Variants in THSD7A observed in about 807,000 individuals in gnomAD.
THSD7A encodes the protein thrombospondin type 1 domain containing 7A, also known as thrombospondin type-1 domain-containing protein 7A.
A neutral mutation model predicts 231.3 loss-of-function variants in THSD7A; 96 were observed. The observed-to-expected ratio is 0.41, with a 90% CI of 0.35 to 0.49. The LOEUF is 0.49. THSD7A is among the 20% of genes least tolerant of loss of function. The pLI is 0.05. For synonymous variants in THSD7A, 940 were observed against 743.3 expected, an observed-to-expected ratio of 1.26 and a Z score of -4.30; for missense variants, 2,290 against 2,070.2, an observed-to-expected ratio of 1.11 and a Z score of -2.06.
chr7:11,406,574 C>A lies in THSD7A; in HGVS notation c.4063-100G>T. On this transcript the variant is annotated intron_variant, in intron 21 of 27. Coordinates refer to ENST00000423059, the MANE Select transcript of THSD7A (RefSeq NM_015204.3). This position sits in a 1 kb window ranked among gnomAD's most constrained non-coding sequence, Gnocchi z 4.7. ...TGCACCACTGACTTTGATTTATGAA[C>A]ATTTAGAGAAGGATTTGAAACCCTA... The A allele has an allele frequency of 1.6e-6, 2 of 1,282,430 alleles. No individual in the cohort carries two copies. Among genetic ancestry groups the A allele is most frequent in the East Asian group, 2.5e-5 (1 of 39,234 alleles). 79.4% of individuals were successfully genotyped at this position (1,282,430 alleles called of 1,614,324 possible).
intron 1 of THSD7A, among the ~76,000 whole-genome samples, chr7:11,755,284 C>T (rs987623822): frequency 6.6e-6 from 1 of 152,052 alleles, no homozygotes; most frequent in African/African-American, 2.4e-5. Context: ...ACATTTCCTA[C>T]AAATCCTGAC....
In THSD7A at chr7:11,370,791, T is replaced by A. The variant is rs1255298107; in HGVS notation, c.*5003A>T. On this transcript the variant is annotated 3_prime_UTR_variant, in exon 28 of 28. Coordinates refer to ENST00000423059, the MANE Select transcript of THSD7A (RefSeq NM_015204.3). Reference sequence around the variant, plus strand: ...TTTATAGAAAGACAGATTGCAAATTTTAATAAAGTTATATTTTACAATGAT... The same window carrying A: ...TTTATAGAAAGACAGATTGCAAATTATAATAAAGTTATATTTTACAATGAT... 7 of 152,264 alleles carry A rather than the reference T, an allele frequency of 4.6e-5. No individual in the cohort carries two copies. The highest frequency in any genetic ancestry group is 1.7e-4 in the African/African-American group (7 of 41,558). The allele number at this position is 152,264 out of a possible 1,614,324, so 9.4% of individuals were successfully genotyped here.
chr7:11,589,349 T>A (rs1453104196), intron 4 of THSD7A, among the ~76,000 whole-genome samples: 4 of 152,196 alleles, frequency 2.6e-5, no homozygotes, highest in African/African-American at 7.2e-5. Flanking sequence ...TCTTTAGCAT[T>A]GTGCATTCAT....
At chr7:11,712,001 C>T (rs1003041467) in intron 1 of THSD7A, among the ~76,000 whole-genome samples, 35 of 151,184 alleles carry the variant, frequency 2.3e-4, no homozygotes, top group Non-Finnish European at 3.7e-4. Context: ...AACAAAAACA[C>T]TCAGCTGAAA....
intron 1 of THSD7A, among the ~76,000 whole-genome samples, chr7:11,743,593 A>G (rs1281109123): frequency 1.3e-5 from 2 of 151,802 alleles, no homozygotes; most frequent in Admixed American, 1.3e-4. Flanking sequence ...CCTTCTTGGA[A>G]ATATTATCAT....
At chr7:11,504,413 T>G (rs937621810) in intron 6 of THSD7A, among the ~76,000 whole-genome samples, 1 of 152,106 alleles carries the variant, frequency 6.6e-6, no homozygotes, top group Non-Finnish European at 1.5e-5. Context: ...AACCTAATAA[T>G]GTGTACAACA....
chr7:11,690,707 C>T (rs1215428482), intron 1 of THSD7A, among the ~76,000 whole-genome samples: 2 of 151,696 alleles, frequency 1.3e-5, no homozygotes, highest in Non-Finnish European at 2.9e-5. Flanking sequence ...CCCATACTTT[C>T]TCGAATTTCC....
chr7:11,606,794 T>C (rs888656724), intron 2 of THSD7A, among the ~76,000 whole-genome samples: 1 of 152,084 alleles, frequency 6.6e-6, no homozygotes, highest in Non-Finnish European at 1.5e-5. Flanking sequence ...GCAAAATATA[T>C]TTGTAGGCTT....
At chr7:11,553,996 T>C (rs754618581) in intron 4 of THSD7A, among the ~76,000 whole-genome samples, 1 of 152,026 alleles carries the variant, frequency 6.6e-6, no homozygotes, top group African/African-American at 2.4e-5. Context: ...TTTGAGGTAA[T>C]TGTAGATTGA....
intron 4 of THSD7A, among the ~76,000 whole-genome samples, chr7:11,589,206 T>C (rs1780050877): frequency 6.6e-6 from 1 of 152,226 alleles, no homozygotes; most frequent in African/African-American, 2.4e-5. Context: ...ATCCTTGTTC[T>C]TTTTCTACCA....
intron 4 of THSD7A, among the ~76,000 whole-genome samples, chr7:11,570,390 G>A (rs1331821470): frequency 6.6e-6 from 1 of 152,006 alleles, no homozygotes; most frequent in Non-Finnish European, 1.5e-5. Flanking sequence ...TGGTTAATGG[G>A]GCAAATACAC....
At chr7:11,681,856 A>G (rs1174683049) in intron 1 of THSD7A, among the ~76,000 whole-genome samples, 1 of 151,990 alleles carries the variant, frequency 6.6e-6, no homozygotes, top group Non-Finnish European at 1.5e-5. Context: ...AGGCAGCTAG[A>G]GAAAGGGTTC....
chr7:11,788,552 G>A (rs894271896), intron 1 of THSD7A, among the ~76,000 whole-genome samples: 5 of 151,958 alleles, frequency 3.3e-5, no homozygotes, highest in Admixed American at 6.6e-5. Flanking sequence ...ATTCAGGACC[G>A]AGAGTATCTT....
At chr7:11,600,908 T>C (rs1780529052) in intron 2 of THSD7A, among the ~76,000 whole-genome samples, 2 of 152,202 alleles carry the variant, frequency 1.3e-5, no homozygotes, top group Admixed American at 1.3e-4. Context: ...GAAGATCATC[T>C]GAGAGTGGTG....
intron 1 of THSD7A, among the ~76,000 whole-genome samples, chr7:11,688,027 A>G (rs1780114016): frequency 6.6e-6 from 1 of 151,388 alleles, no homozygotes; most frequent in African/African-American, 2.4e-5. Flanking sequence ...CTCATTTAAC[A>G]TTAGGTATAT....
At chr7:11,700,405 T>C (rs1286514110) in intron 1 of THSD7A, among the ~76,000 whole-genome samples, 1 of 151,232 alleles carries the variant, frequency 6.6e-6, no homozygotes, top group Admixed American at 6.6e-5. Context: ...TAATTCTATT[T>C]TTCCCTCCTA....
chr7:11,582,532 C>T lies in THSD7A; in HGVS notation c.1453+7928G>A, dbSNP rs117665202. ...CCATGGGTTTACCAAATTCTTTTCT[C>T]ATCTTTAATCAATCTTTCTTGGTTT... On this transcript the variant is annotated intron_variant, in intron 4 of 27. Transcript: ENST00000423059. 9.9e-5 allele frequency among the ~76,000 whole-genome samples: 15 copies of T among 152,186 alleles called. No individual in the cohort carries two copies. The East Asian group carries it at 2.7e-3, about 27-fold the overall frequency.
At chr7:11,560,605 G>T (rs771855484) in intron 4 of THSD7A, among the ~76,000 whole-genome samples, 37 of 152,052 alleles carry the variant, frequency 2.4e-4, no homozygotes, top group Non-Finnish European at 4.9e-4. Flanking sequence ...ATACCCAGTC[G>T]TAGAATTATT....
intron 16 of THSD7A, among the ~76,000 whole-genome samples, chr7:11,421,966 C>T (rs113612621): frequency 1.9e-4 from 29 of 152,240 alleles, no homozygotes; most frequent in African/African-American, 6.5e-4. Flanking sequence ...AAGGAAGGCA[C>T]TTTAAATTCC....
Sources: allele counts gnomAD v4.1 joint callset (sites outside exome capture counted in the v4.1 genomes callset), GRCh38; gene constraint gnomAD v4.1.1; non-coding constraint Gnocchi (gnomAD v3.1); transcripts MANE v1.5; gene names NCBI Gene and HGNC (gene_info 2026-07-23, HGNC 2026-07-21).